The following TSPAN18 variants were observed in gnomAD, a reference collection of about 807,000 sequenced individuals.
TSPAN18 encodes tetraspanin 18, also known as tetraspanin-18.
Under a neutral mutation model 27.3 loss-of-function variants are expected in TSPAN18, and 14 were observed. The ratio of observed to expected loss-of-function variants is 0.51; its 90% CI spans 0.34 to 0.80. The LOEUF is 0.80. Ranked by LOEUF, TSPAN18 falls within the 30% of genes least tolerant of loss-of-function variation. The pLI is 0.01. For synonymous variants in TSPAN18, 143 were observed against 136.5 expected (o/e 1.05, Z -0.33); for missense variants, 268 against 323.9 (o/e 0.83, Z 1.32).
intron 1 of TSPAN18, among the ~76,000 whole-genome samples, chr11:44,749,024 A>T (rs1272202917): frequency 6.6e-6 from 1 of 152,192 alleles, no homozygotes; most frequent in East Asian, 1.9e-4. Flanking sequence ...AGGCTAGGTA[A>T]GTACCTGGCC....
At chr11:44,914,112 A>C (rs1298615004) in intron 5 of TSPAN18, among the ~76,000 whole-genome samples, 1 of 152,194 alleles carries the variant, frequency 6.6e-6, no homozygotes, top group Non-Finnish European at 1.5e-5. Context: ...GTTTATTCTT[A>C]TATCTCATCT....
At chr11:44,859,705 C>G (rs1469698328) in intron 2 of TSPAN18, 3 of 152,312 alleles carry the variant, frequency 2.0e-5, no homozygotes, top group Non-Finnish European at 4.4e-5. Flanking sequence ...CTGCTATGCT[C>G]CTGGGGCTGC....
At chr11:44,806,846 G>C (rs769193942) in intron 2 of TSPAN18, among the ~76,000 whole-genome samples, 25 of 152,274 alleles carry the variant, frequency 1.6e-4, no homozygotes, top group African/African-American at 5.5e-4. Flanking sequence ...GGGAGGAAGT[G>C]TATTAGCAAT....
intron 2 of TSPAN18, among the ~76,000 whole-genome samples, chr11:44,778,281 TA>T (rs1334029023): frequency 6.6e-6 from 1 of 152,062 alleles, no homozygotes; most frequent in African/African-American, 2.4e-5. Context: ...AGTAGCCTCT[TA>T]TGGGGAGAGG....
At chr11:44,919,583 C>A (rs1860046503) in intron 7 of TSPAN18, 2 of 609,102 alleles carry the variant, frequency 3.3e-6, no homozygotes, top group Non-Finnish European at 5.8e-6. Context: ...TTATGGATGG[C>A]TAAGCGCCTG....
At chr11:44,785,509 A>G (rs1856034554) in intron 2 of TSPAN18, among the ~76,000 whole-genome samples, 1 of 151,742 alleles carries the variant, frequency 6.6e-6, no homozygotes, top group African/African-American at 2.4e-5. Flanking sequence ...TCCTCATGGT[A>G]CATGCCCCCT....
Position 44,799,368 on chromosome 11 carries a change from C to T in TSPAN18, c.-153+34856C>T, listed in dbSNP as rs944886327. Among the ~76,000 whole-genome samples the T allele has an allele frequency of 2.6e-5, 4 of 152,190 alleles. No individual in the cohort carries two copies. In the East Asian group the frequency reaches 5.8e-4, roughly 22 times the overall value. On this transcript the variant is annotated intron_variant, in intron 2 of 9. Coordinates refer to ENST00000520358, the MANE Select transcript of TSPAN18 (RefSeq NM_130783.5). ...TGCACACCCTATACCTTGGTCCAAACGACACACCCACGACACCATGCCAAC... is the reference window on the plus strand; with the variant it reads ...TGCACACCCTATACCTTGGTCCAAATGACACACCCACGACACCATGCCAAC...
intron 2 of TSPAN18, among the ~76,000 whole-genome samples, chr11:44,795,393 C>T (rs1276736708): frequency 3.3e-5 from 5 of 152,184 alleles, no homozygotes; most frequent in African/African-American, 1.2e-4. Context: ...CCACTGCCTG[C>T]CCCAGTCATG....
At chr11:44,821,991 G>A (rs1856938424) in intron 2 of TSPAN18, among the ~76,000 whole-genome samples, 1 of 152,158 alleles carries the variant, frequency 6.6e-6, no homozygotes, top group African/African-American at 2.4e-5. Context: ...GGCTGGGGGT[G>A]AAGGCCAGAC....
chr11:44,867,534 G>A (rs1178559866), intron 3 of TSPAN18, among the ~76,000 whole-genome samples: 2 of 151,464 alleles, frequency 1.3e-5, no homozygotes, highest in East Asian at 1.9e-4. Context: ...GAGTAGCTGG[G>A]ACTACAGGCA....
chr11:44,926,429 A>G, intron 8 of TSPAN18: 1 of 528,864 alleles, frequency 1.9e-6, no homozygotes, highest in South Asian at 2.4e-5. Context: ...CATGGCCTGC[A>G]CGCTGTCAGT....
At position 44,727,076 on chromosome 11, in the gene TSPAN18, C is replaced by G. The variant is rs188324181; in HGVS notation, c.-451C>G. The G allele has an allele frequency of 0.034, 35 of 1,032 alleles. 3 individuals are homozygous for G. The highest frequency in any genetic ancestry group is 0.069 in the Non-Finnish European group (15 of 216). The allele number at this position is 1,032 out of a possible 1,614,324, so 0.1% of individuals were successfully genotyped here. A position where few individuals can be genotyped will look rare whatever the true frequency, so the allele number is the denominator to read the frequency against. On this transcript the variant is annotated 5_prime_UTR_variant, in exon 1 of 10. Coordinates refer to ENST00000520358, the MANE Select transcript of TSPAN18 (RefSeq NM_130783.5). ...CCAGCCCCGGCCCCGGCCCCAGCCC[C>G]GGCCCCGGCCCCGGCCCCGGCCCCG...
intron 2 of TSPAN18, among the ~76,000 whole-genome samples, chr11:44,818,972 G>A (rs545338723): frequency 6.6e-6 from 1 of 152,240 alleles, no homozygotes; most frequent in African/African-American, 2.4e-5. Flanking sequence ...CCAGGGTTGG[G>A]CCAGACAGAA....
At chr11:44,845,824 G>C (rs1857468053) in intron 2 of TSPAN18, among the ~76,000 whole-genome samples, 1 of 152,204 alleles carries the variant, frequency 6.6e-6, no homozygotes, top group Non-Finnish European at 1.5e-5. Flanking sequence ...GGAAGTGGGT[G>C]GGTAGGCACC....
chr11:44,882,623 C>CAT (rs1554997042), intron 3 of TSPAN18, among the ~76,000 whole-genome samples: 3 of 128,046 alleles, frequency 2.3e-5, no homozygotes, highest in Non-Finnish European at 5.3e-5. Flanking sequence ...CACACACACA[C>CAT]ACACAGAGAG....
intron 2 of TSPAN18, among the ~76,000 whole-genome samples, chr11:44,846,801 G>A (rs1857495070): frequency 6.6e-6 from 1 of 152,206 alleles, no homozygotes; most frequent in Admixed American, 6.5e-5. Context: ...CTACTTTGCA[G>A]CCATTTGAGG....
chr11:44,927,563 C>T (rs754332040), intron 9 of TSPAN18, among the ~76,000 whole-genome samples: 1 of 152,194 alleles, frequency 6.6e-6, no homozygotes, highest in Non-Finnish European at 1.5e-5. Context: ...AGTGCAGTTT[C>T]GTGGAGGCTA....
At chr11:44,909,946 T>A (rs1794359370) in intron 5 of TSPAN18, 47 bp downstream of exon 5, 1 of 1,558,754 alleles carries the variant, frequency 6.4e-7, no homozygotes, top group Admixed American at 1.8e-5. Flanking sequence ...CTGAGGGGTG[T>A]CAGGGATTGG....
chr11:44,730,823 A>T (rs1031565427), intron 1 of TSPAN18, among the ~76,000 whole-genome samples: 6 of 92,120 alleles, frequency 6.5e-5, no homozygotes, highest in African/African-American at 1.6e-4. Flanking sequence ...GACGGGTTTC[A>T]CCATGTTGGT....
Sources: gnomAD v4.1 joint callset for allele counts (sites outside exome capture counted in the v4.1 genomes callset) on GRCh38, gnomAD v4.1.1 for gene constraint, MANE v1.5 for transcripts, NCBI Gene and HGNC (gene_info 2026-07-23, HGNC 2026-07-21) for gene names.